Variants in MEX3B observed in about 807,000 individuals in gnomAD.
The protein encoded by MEX3B is RNA-binding protein MEX3B.
In MEX3B, 10 loss-of-function variants were observed where a neutral mutation model predicts 12.2. The observed-to-expected ratio is 0.82, with a 90% CI of 0.51 to 1.40. MEX3B has a LOEUF of 1.40. Ranked by LOEUF, MEX3B falls within the 40% of genes most tolerant of loss-of-function variation. The pLI is 0.00. For synonymous variants in MEX3B, 498 were observed against 356.3 expected, an observed-to-expected ratio of 1.40 and a Z score of -4.48; for missense variants, 839 against 801.4, an observed-to-expected ratio of 1.05 and a Z score of -0.57.
At position 82,045,765 on chromosome 15, in the gene MEX3B, C is replaced by T; in HGVS notation, c.-60G>A. 7.6e-7 allele frequency: 1 copy of T among 1,312,748 alleles called. No individual in the cohort carries two copies. The highest frequency in any genetic ancestry group is 9.6e-7 in the Non-Finnish European group (1 of 1,039,334). The allele number at this position is 1,312,748 out of a possible 1,614,324, so 81.3% of individuals were successfully genotyped here. On this transcript the variant is annotated 5_prime_UTR_variant, in exon 1 of 2. Coordinates refer to ENST00000329713, the MANE Select transcript of MEX3B (RefSeq NM_032246.6). ...TCGGCTCGGCGGCGAGAAGCTGCGG[C>T]CACAAAGGCAGCCGGGAAGCGGGTG...
In MEX3B at chr15:82,042,163, CTTTT is replaced by C. The variant is rs1567016540; in HGVS notation, c.*993_*996del. 1.3e-5 allele frequency: 2 copies of C among 152,664 alleles called. No individual in the cohort carries two copies. Among genetic ancestry groups the C allele is most frequent in the East Asian group, 3.9e-4 (2 of 5,188 alleles). 9.5% of individuals were successfully genotyped at this position (152,664 alleles called of 1,614,324 possible). The stretch of plus-strand genomic sequence containing the variant: ...CAAATGTTAGAAAGCATCAACAGTT[CTTTT>C]TGACATGTTTATACATTTCCGTTTT... On this transcript the variant is annotated 3_prime_UTR_variant, in exon 2 of 2. Transcript: ENST00000329713.
In MEX3B at chr15:82,043,841, T is replaced by C; in HGVS notation, c.1029A>G (p.Thr343=). ...ATGGCACTGAGGCTTCTCCCCCCGC[T>C]GTGTAGGTGTACCCATTGCCGTTAT... is the stretch of plus-strand genomic sequence containing the variant. ...NNNNGNGYTY[T]AGGEASVPSP... is the part of the protein sequence containing the mutation. Residue 343 remains threonine, a synonymous_variant, in exon 2 of 2, where the codon ACA becomes ACG. Coordinates refer to ENST00000329713, the MANE Select transcript of MEX3B (RefSeq NM_032246.6). The C allele has an allele frequency of 1.3e-6, 2 of 1,592,094 alleles. No homozygotes were observed. The highest frequency in any genetic ancestry group is 1.7e-4 in the Middle Eastern group (1 of 5,928).
Position 82,045,680 on chromosome 15 carries a change from A to G in MEX3B, c.26T>C (p.Leu9Pro), listed in dbSNP as rs1212424929. MPSSLFAD[L>P]ERNGSGGGGG... The stretch of plus-strand genomic sequence containing the variant: ...GCCGCCGCCGCTGCCGTTGCGCTCC[A>G]GGTCTGCGAACAGCGAGCTGGGCAT... Residue 9 changes from leucine (L) to proline (P), a missense_variant, in exon 1 of 2, where the codon CTG becomes CCG. Leu to Pro is a moderately conservative substitution (Grantham distance 98, BLOSUM62 -3). Transcript: ENST00000329713. 1.3e-6 allele frequency: 2 copies of G among 1,537,414 alleles called. No homozygotes were observed. Among genetic ancestry groups the G allele is most frequent in the Non-Finnish European group, 1.7e-6 (2 of 1,146,312 alleles).
chr15:82,045,688 G>T lies in MEX3B; in HGVS notation c.18C>A (p.Phe6Leu). 1 of 1,528,568 alleles carries T rather than the reference G, an allele frequency of 6.5e-7. No homozygotes were observed. The highest frequency in any genetic ancestry group is 8.8e-7 in the Non-Finnish European group (1 of 1,141,508). The allele number at this position is 1,528,568 out of a possible 1,614,324, so 94.7% of individuals were successfully genotyped here. MPSSL[F>L]ADLERNGSGG... ...CGCTGCCGTTGCGCTCCAGGTCTGCGAACAGCGAGCTGGGCATCGCTCGGC... is the reference window on the plus strand; with the variant it reads ...CGCTGCCGTTGCGCTCCAGGTCTGCTAACAGCGAGCTGGGCATCGCTCGGC... Residue 6 changes from phenylalanine (F) to leucine (L), a missense_variant, in exon 1 of 2, where the codon TTC becomes TTA. By Grantham distance (22) the Phe-to-Leu change is conservative. Transcript: ENST00000329713.
At position 82,044,125 on chromosome 15, in the gene MEX3B, CCACATCGGTG is replaced by C; in HGVS notation, c.735_744del (p.Thr246AlafsTer77). 6.2e-7 allele frequency: 1 copy of C among 1,613,530 alleles called. No individual in the cohort carries two copies. The highest frequency in any genetic ancestry group is 2.2e-5 in the East Asian group (1 of 44,864). ...CCGGACCCATGATGCAGATCGAAGC[CCACATCGGTG>C]CCGTTGGCGTGGAAGTCGTTCTCGT... On this transcript the variant is annotated frameshift_variant, in exon 2 of 2. Transcript: ENST00000329713. LOFTEE classifies it low-confidence loss of function (END_TRUNC). The surrounding 1 kb of genome is among the most constrained non-coding windows in gnomAD (Gnocchi z 5.3).
chr15:82,045,818 C>CT lies in MEX3B; in HGVS notation c.-114dup. 8.6e-7 allele frequency: 1 copy of CT among 1,168,686 alleles called. No individual in the cohort carries two copies. Among genetic ancestry groups the CT allele is most frequent in the Non-Finnish European group, 1.1e-6 (1 of 911,478 alleles). 72.4% of individuals were successfully genotyped at this position (1,168,686 alleles called of 1,614,324 possible). On this transcript the variant is annotated 5_prime_UTR_variant, in exon 1 of 2. Coordinates refer to ENST00000329713, the MANE Select transcript of MEX3B (RefSeq NM_032246.6). ...CAGGGGCGGGGAGGCCGGTCGCCTG[C>CT]TGAGGGCTCCGTTGCTTCTTCCTCG...
chr15:82,044,891 A>G lies in MEX3B; in HGVS notation c.257-278T>C. The stretch of plus-strand genomic sequence containing the variant: ...CGAACCAAACCCGAGAATCCCAGAA[A>G]AGTCATCTGGGGAGATGCCGCTGGG... On this transcript the variant is annotated intron_variant, in intron 1 of 1. Coordinates refer to ENST00000329713, the MANE Select transcript of MEX3B (RefSeq NM_032246.6). This position sits in a 1 kb window ranked among gnomAD's most constrained non-coding sequence, Gnocchi z 5.3. 1 of 577,138 alleles carries G rather than the reference A, an allele frequency of 1.7e-6. No homozygotes were observed. The highest frequency in any genetic ancestry group is 2.0e-5 in the South Asian group (1 of 49,644). 35.8% of individuals were successfully genotyped at this position (577,138 alleles called of 1,614,324 possible).
At position 82,043,624 on chromosome 15, in the gene MEX3B, C is replaced by G; in HGVS notation, c.1246G>C (p.Ala416Pro). 1 of 1,602,378 alleles carries G rather than the reference C, an allele frequency of 6.2e-7. No individual in the cohort carries two copies. Among genetic ancestry groups the G allele is most frequent in the South Asian group, 1.1e-5 (1 of 89,718 alleles). Residue 416 changes from alanine (A) to proline (P), a missense_variant, in exon 2 of 2, where the codon GCC becomes CCC. By Grantham distance (27) the Ala-to-Pro change is conservative (BLOSUM62 -1). This residue lies in a region of MEX3B where 573 missense variants were observed against 488.9 expected (regional missense o/e 1.17). Transcript: ENST00000329713. ...AGGTTGGCGTTGGAGGGCGCACTGG[C>G]GCCACCCCCGGGGAAGACCACGGAG... ...SSSVVFPGGG[A>P]SAPSNANLGL...
In MEX3B at chr15:82,045,837, T is replaced by G; in HGVS notation, c.-132A>C. On this transcript the variant is annotated 5_prime_UTR_variant, in exon 1 of 2. Coordinates refer to ENST00000329713, the MANE Select transcript of MEX3B (RefSeq NM_032246.6). ...CGCCTGCTGAGGGCTCCGTTGCTTC[T>G]TCCTCGGTGCTGGGAGGAGTGGGTC... is the stretch of plus-strand genomic sequence containing the variant. 2 of 1,025,262 alleles carry G rather than the reference T, an allele frequency of 2.0e-6. No individual in the cohort carries two copies. Among genetic ancestry groups the G allele is most frequent in the Non-Finnish European group, 2.6e-6 (2 of 782,296 alleles). The allele number at this position is 1,025,262 out of a possible 1,614,324, so 63.5% of individuals were successfully genotyped here. A position where few individuals can be genotyped will look rare whatever the true frequency, so the allele number is the denominator to read the frequency against.
At position 82,045,837 on chromosome 15, in the gene MEX3B, T is replaced by C; in HGVS notation, c.-132A>G. On this transcript the variant is annotated 5_prime_UTR_variant, in exon 1 of 2. Transcript: ENST00000329713. ...CGCCTGCTGAGGGCTCCGTTGCTTCTTCCTCGGTGCTGGGAGGAGTGGGTC... is the reference window on the plus strand; with the variant it reads ...CGCCTGCTGAGGGCTCCGTTGCTTCCTCCTCGGTGCTGGGAGGAGTGGGTC... The C allele has an allele frequency of 9.8e-7, 1 of 1,025,278 alleles. No homozygotes were observed. Among genetic ancestry groups the C allele is most frequent in the Middle Eastern group, 3.4e-4 (1 of 2,922 alleles). 63.5% of individuals were successfully genotyped at this position (1,025,278 alleles called of 1,614,324 possible).
rs528238637 is a variant in MEX3B, at chr15:82,044,691, G to A, written c.257-78C>T. On this transcript the variant is annotated intron_variant, in intron 1 of 1. Transcript: ENST00000329713. The surrounding 1 kb of genome is among the most constrained non-coding windows in gnomAD (Gnocchi z 5.3). Reference sequence around the variant, plus strand: ...TTATCCTGGGGTAACCGCGGGGACCGGGGACAGCCCGCGTCCAGGACAGCG... The same window carrying A: ...TTATCCTGGGGTAACCGCGGGGACCAGGGACAGCCCGCGTCCAGGACAGCG... 1.2e-5 allele frequency: 17 copies of A among 1,429,340 alleles called. No individual in the cohort carries two copies. In the East Asian group the frequency reaches 3.2e-4, roughly 27 times the overall value. 88.5% of individuals were successfully genotyped at this position (1,429,340 alleles called of 1,614,324 possible). A position where few individuals can be genotyped will look rare whatever the true frequency, so the allele number is the denominator to read the frequency against.
chr15:82,044,469 A>T lies in MEX3B; in HGVS notation c.401T>A (p.Phe134Tyr). The T allele has an allele frequency of 6.2e-7, 1 of 1,613,660 alleles. No homozygotes were observed. The highest frequency in any genetic ancestry group is 8.5e-7 in the Non-Finnish European group (1 of 1,180,000). The change falls in exon 2 of 2, where the codon TTC (phenylalanine) becomes TAC (tyrosine). Residue 134 changes from phenylalanine to tyrosine, a missense_variant. By Grantham distance (22) the Phe-to-Tyr change is conservative. Transcript: ENST00000329713. This position sits in a 1 kb window ranked among gnomAD's most constrained non-coding sequence, Gnocchi z 5.3. Reference sequence around the variant, plus strand: ...ATTCCGGGAGGCGCGGATCATGGAGAAGTGCTCGGCAGCAGAGATGATCTC... The same window carrying T: ...ATTCCGGGAGGCGCGGATCATGGAGTAGTGCTCGGCAGCAGAGATGATCTC... The part of the protein sequence containing the change: ...RREIISAAEH[F>Y]SMIRASRNKN...
At position 82,045,813 on chromosome 15, in the gene MEX3B, G is replaced by C; in HGVS notation, c.-108C>G. On this transcript the variant is annotated 5_prime_UTR_variant, in exon 1 of 2. Coordinates refer to ENST00000329713, the MANE Select transcript of MEX3B (RefSeq NM_032246.6). ...GTGGTCAGGGGCGGGGAGGCCGGTC[G>C]CCTGCTGAGGGCTCCGTTGCTTCTT... 2.5e-6 allele frequency: 3 copies of C among 1,192,598 alleles called. No homozygotes were observed. The highest frequency in any genetic ancestry group is 3.2e-6 in the Non-Finnish European group (3 of 932,834). The allele number at this position is 1,192,598 out of a possible 1,614,324, so 73.9% of individuals were successfully genotyped here.
At position 82,042,953 on chromosome 15, in the gene MEX3B, CAAATTCCTTTACTTAA is replaced by C. The variant is rs2073228938; in HGVS notation, c.*191_*206del. 1 of 424,394 alleles carries C rather than the reference CAAATTCCTTTACTTAA, an allele frequency of 2.4e-6. No homozygotes were observed. Among genetic ancestry groups the C allele is most frequent in the Non-Finnish European group, 4.1e-6 (1 of 245,014 alleles). The allele number at this position is 424,394 out of a possible 1,614,324, so 26.3% of individuals were successfully genotyped here. On this transcript the variant is annotated 3_prime_UTR_variant, in exon 2 of 2. Coordinates refer to ENST00000329713, the MANE Select transcript of MEX3B (RefSeq NM_032246.6). ...AGTACTCTTGATGCAGATATCCTGG[CAAATTCCTTTACTTAA>C]AAATTAAATTTTAAAAATGAGCGGA...
At position 82,043,507 on chromosome 15, in the gene MEX3B, G is replaced by T; in HGVS notation, c.1363C>A (p.His455Asn). ...LHMAPGAGEH[H>N]LARRVRSDPG... ...TCGCTGCGCACCCGGCGAGCCAGGTGGTGCTCTCCCGCCCCCGGGGCCATG... is the reference window on the plus strand; with the variant it reads ...TCGCTGCGCACCCGGCGAGCCAGGTTGTGCTCTCCCGCCCCCGGGGCCATG... The change falls in exon 2 of 2, where the codon CAC becomes AAC. Residue 455 changes from histidine to asparagine, a missense_variant. Around this residue, in one of 3 missense-constraint regions of MEX3B, gnomAD observed 573 missense variants for 488.9 expected, o/e 1.17. Transcript: ENST00000329713. 1 of 1,519,506 alleles carries T rather than the reference G, an allele frequency of 6.6e-7. No homozygotes were observed. Among genetic ancestry groups the T allele is most frequent in the Non-Finnish European group, 8.8e-7 (1 of 1,132,968 alleles). 94.1% of individuals were successfully genotyped at this position (1,519,506 alleles called of 1,614,324 possible). A position where few individuals can be genotyped will look rare whatever the true frequency, so the allele number is the denominator to read the frequency against.
intron 1 of MEX3B, chr15:82,045,106 C>T (rs1401131885): frequency 1.7e-6 from 1 of 600,194 alleles, no homozygotes; most frequent in Non-Finnish European, 3.0e-6. Flanking sequence ...ATCCTATGCT[C>T]ACTCCTCCTC....
At position 82,044,893 on chromosome 15, in the gene MEX3B, G is replaced by A; in HGVS notation, c.257-280C>T. ...AACCAAACCCGAGAATCCCAGAAAA[G>A]TCATCTGGGGAGATGCCGCTGGGAT... On this transcript the variant is annotated intron_variant, in intron 1 of 1. Transcript: ENST00000329713. The surrounding 1 kb of genome is among the most constrained non-coding windows in gnomAD (Gnocchi z 5.3). 1.7e-6 allele frequency: 1 copy of A among 579,836 alleles called. No individual in the cohort carries two copies. Among genetic ancestry groups the A allele is most frequent in the Non-Finnish European group, 3.1e-6 (1 of 324,766 alleles). 35.9% of individuals were successfully genotyped at this position (579,836 alleles called of 1,614,324 possible). A position where few individuals can be genotyped will look rare whatever the true frequency, so the allele number is the denominator to read the frequency against.
At position 82,044,897 on chromosome 15, in the gene MEX3B, T is replaced by C; in HGVS notation, c.257-284A>G. ...AAACCCGAGAATCCCAGAAAAGTCA[T>C]CTGGGGAGATGCCGCTGGGATCCAG... On this transcript the variant is annotated intron_variant, in intron 1 of 1. Transcript: ENST00000329713. This position sits in a 1 kb window ranked among gnomAD's most constrained non-coding sequence, Gnocchi z 5.3. 1 of 576,416 alleles carries C rather than the reference T, an allele frequency of 1.7e-6. No homozygotes were observed. The allele number at this position is 576,416 out of a possible 1,614,324, so 35.7% of individuals were successfully genotyped here. A position where few individuals can be genotyped will look rare whatever the true frequency, so the allele number is the denominator to read the frequency against.
In MEX3B at chr15:82,045,997, G is replaced by A. The variant is rs922562391; in HGVS notation, c.-292C>T. On this transcript the variant is annotated 5_prime_UTR_variant, in exon 1 of 2. Coordinates refer to ENST00000329713, the MANE Select transcript of MEX3B (RefSeq NM_032246.6). ...TGCCCCCCGAGTGCCCGGCTGGCTG[G>A]CCGCAATGCCGAGCGAAAAGCGAGC... The A allele has an allele frequency of 1.7e-5, 6 of 352,200 alleles. No individual in the cohort carries two copies. The highest frequency in any genetic ancestry group is 1.1e-4 in the African/African-American group (5 of 47,062). The allele number at this position is 352,200 out of a possible 1,614,324, so 21.8% of individuals were successfully genotyped here.
Sources: gnomAD v4.1 joint callset for allele counts on GRCh38, gnomAD v4.1.1 for gene constraint, gnomAD v4.1.1 regional missense constraint, Gnocchi (gnomAD v3.1) non-coding constraint, MANE v1.5 for transcripts, NCBI Gene and HGNC (gene_info 2026-07-23, HGNC 2026-07-21) for gene names.